Variants in UTP25 observed in about 807,000 individuals in gnomAD.
UTP25 encodes UTP25 small subunit processome component, also known as U3 small nucleolar RNA-associated protein 25 homolog.
UTP25 carries 50 observed loss-of-function variants against 78.9 expected under a neutral mutation model. That is an observed-to-expected ratio of 0.63 (90% CI 0.50 to 0.80). The LOEUF is 0.80. Ranked by LOEUF, UTP25 falls within the 30% of genes least tolerant of loss-of-function variation. The pLI, the probability that UTP25 is intolerant of heterozygous loss-of-function variation, is 0.00. For synonymous variants in UTP25, 329 were observed against 336.5 expected (o/e 0.98, Z 0.24); for missense variants, 846 against 911.3 (o/e 0.93, Z 0.92).
At chr1:209,850,509 T>A (rs2078224562) in intron 11 of UTP25, among the ~76,000 whole-genome samples, 1 of 152,236 alleles carries the variant, frequency 6.6e-6, no homozygotes, top group African/African-American at 2.4e-5. Context: ...AATCTTTTGT[T>A]ATGGAATCCC....
chr1:209,832,906 C>T (rs953524565), intron 3 of UTP25, among the ~76,000 whole-genome samples: 6 of 152,012 alleles, frequency 3.9e-5, no homozygotes, highest in African/African-American at 1.4e-4. Context: ...AATAAATAAA[C>T]GCTCATCCAA....
intron 10 of UTP25, 91 bp from the exon 11 acceptor site, chr1:209,843,360 C>T (rs559543443): frequency 1.9e-5 from 28 of 1,477,462 alleles, no homozygotes; most frequent in South Asian, 1.6e-4. Flanking sequence ...TCTTTTAACA[C>T]GAGATTGTAA....
At position 209,851,490 on chromosome 1, in the gene UTP25, G is replaced by A. The variant is rs1015706003; in HGVS notation, c.*43G>A. 1 of 1,553,190 alleles carries A rather than the reference G, an allele frequency of 6.4e-7. No homozygotes were observed. Among genetic ancestry groups the A allele is most frequent in the African/African-American group, 1.4e-5 (1 of 73,072 alleles). ...AGTGGTATTTGGCATGATACATAAT[G>A]TTTGATTCTATGCCATTTGGACCCA... On this transcript the variant is annotated 3_prime_UTR_variant, in exon 12 of 12. Transcript: ENST00000491415.
At chr1:209,828,559 A>C (rs10863791) in intron 1 of UTP25, among the ~76,000 whole-genome samples, 99,153 of 148,046 alleles carry the variant, frequency 0.67, 33,752 homozygotes, top group Non-Finnish European at 0.76. Context: ...CCCGCCACCA[A>C]GCCCGGCTGA....
chr1:209,838,193 T>C (rs1300859225), intron 6 of UTP25, among the ~76,000 whole-genome samples: 1 of 152,226 alleles, frequency 6.6e-6, no homozygotes, highest in East Asian at 1.9e-4. Context: ...ATGAAACATA[T>C]TATAATTTGG....
Position 209,852,372 on chromosome 1 carries a change from A to T in UTP25, c.*925A>T, listed in dbSNP as rs907642936. 4.6e-5 allele frequency: 7 copies of T among 152,216 alleles called. No individual in the cohort carries two copies. The allele number at this position is 152,216 out of a possible 1,614,324, so 9.4% of individuals were successfully genotyped here. A position where few individuals can be genotyped will look rare whatever the true frequency, so the allele number is the denominator to read the frequency against. ...TTAAGGGTATTGTTTGTGATTAGGA[A>T]TGCCCCACCAATAAGGATAATGTGA... On this transcript the variant is annotated 3_prime_UTR_variant, in exon 12 of 12. Coordinates refer to ENST00000491415, the MANE Select transcript of UTP25 (RefSeq NM_014388.7).
intron 11 of UTP25, chr1:209,844,778 T>C (rs932588567): frequency 2.0e-5 from 3 of 152,180 alleles, no homozygotes; most frequent in Non-Finnish European, 2.9e-5. Flanking sequence ...TGTTGATAAA[T>C]AGAAAAAGCT....
chr1:209,829,716 G>A (rs573588863), intron 1 of UTP25, among the ~76,000 whole-genome samples: 1 of 152,038 alleles, frequency 6.6e-6, no homozygotes, highest in African/African-American at 2.4e-5. Flanking sequence ...AAACTCCTGG[G>A]CTCAAGTGAT....
chr1:209,843,378 A>G, intron 10 of UTP25, 73 bp from the exon 11 acceptor site: 3 of 1,546,408 alleles, frequency 1.9e-6, no homozygotes, highest in Non-Finnish European at 2.6e-6. Flanking sequence ...TAATTTGCTC[A>G]GGGTCACACA....
At chr1:209,850,611 C>T (rs563722417) in intron 11 of UTP25, among the ~76,000 whole-genome samples, 2 of 152,338 alleles carry the variant, frequency 1.3e-5, no homozygotes, top group East Asian at 1.9e-4. Flanking sequence ...CGGCACTGTG[C>T]AGCTGGGAAA....
At chr1:209,846,612 G>A (rs968677805) in intron 11 of UTP25, among the ~76,000 whole-genome samples, 11 of 152,154 alleles carry the variant, frequency 7.2e-5, no homozygotes, top group East Asian at 1.9e-4. Context: ...ACAGTGGCTC[G>A]TGAAATAGAC....
chr1:209,835,998 A>T (rs2078130845), intron 5 of UTP25, among the ~76,000 whole-genome samples: 1 of 152,122 alleles, frequency 6.6e-6, no homozygotes, highest in Non-Finnish European at 1.5e-5. Flanking sequence ...CAAAATACAA[A>T]TCCTTGTTGC....
chr1:209,835,389 A>G (rs2078127607), intron 5 of UTP25, among the ~76,000 whole-genome samples: 1 of 152,236 alleles, frequency 6.6e-6, no homozygotes, highest in African/African-American at 2.4e-5. Context: ...AATGATGGGT[A>G]AGAGTGGATT....
chr1:209,830,170 T>G, intron 2 of UTP25, 23 bp downstream of exon 2: 2 of 1,604,754 alleles, frequency 1.2e-6, no homozygotes, highest in Non-Finnish European at 1.7e-6. Context: ...ACCTTCTTTT[T>G]AATAGTTGGT....
chr1:209,843,401 C>T, intron 10 of UTP25, 50 bp from the exon 11 acceptor site: 1 of 1,600,416 alleles, frequency 6.2e-7, no homozygotes, highest in South Asian at 1.1e-5. Flanking sequence ...TAAGAGACAC[C>T]ATAAGCTTAG....
rs1210848317 is a variant in UTP25 at position 209,843,634 on chromosome 1, C to A, written c.1965C>A (p.His655Gln). The A allele has an allele frequency of 6.2e-7, 1 of 1,614,074 alleles. No homozygotes were observed. Among genetic ancestry groups the A allele is most frequent in the Non-Finnish European group, 8.5e-7 (1 of 1,180,016 alleles). ...TQKSGVSRAR[H>Q]FFLQGEKQFL... ...AGTCTGGTGTCTCCAGGGCCAGACACTTCTTCCTTCAAGGAGAGAAACAGT... is the reference window on the plus strand; with the variant it reads ...AGTCTGGTGTCTCCAGGGCCAGACAATTCTTCCTTCAAGGAGAGAAACAGT... Residue 655 changes from histidine to glutamine, a missense_variant, in exon 11 of 12, where the codon CAC (histidine) becomes CAA (glutamine). Coordinates refer to ENST00000491415, the MANE Select transcript of UTP25 (RefSeq NM_014388.7).
At chr1:209,845,091 C>G (rs1191683152) in intron 11 of UTP25, among the ~76,000 whole-genome samples, 2 of 152,186 alleles carry the variant, frequency 1.3e-5, no homozygotes, top group African/African-American at 4.8e-5. Flanking sequence ...ATGGTGCTCC[C>G]CAGATAACGT....
intron 3 of UTP25, among the ~76,000 whole-genome samples, chr1:209,831,928 T>C (rs2078105895): frequency 1.3e-5 from 2 of 152,208 alleles, no homozygotes; most frequent in Admixed American, 1.3e-4. Context: ...TAGCATTCCA[T>C]TGTCTGAATA....
Position 209,842,598 on chromosome 1 carries a change from G to A in UTP25, c.1684G>A (p.Val562Ile), listed in dbSNP as rs2078173837. 3 of 1,613,790 alleles carry A rather than the reference G, an allele frequency of 1.9e-6. No individual in the cohort carries two copies. The highest frequency in any genetic ancestry group is 1.3e-5 in the African/African-American group (1 of 74,918). ...NMQGQVAVRN[V>I]PMTGSISHVL... is the part of the protein sequence containing the mutation. ...CTACTGGCAGGTGGCCGTGAGGAATGTCCCAATGACAGGCTCTATCAGTCA... is the reference window on the plus strand; with the variant it reads ...CTACTGGCAGGTGGCCGTGAGGAATATCCCAATGACAGGCTCTATCAGTCA... Residue 562 changes from valine (V) to isoleucine (I), a missense_variant, in exon 10 of 12, where the codon GTC (valine) becomes ATC (isoleucine). By Grantham distance (29) the Val-to-Ile change is conservative (BLOSUM62 3). Coordinates refer to ENST00000491415, the MANE Select transcript of UTP25 (RefSeq NM_014388.7).
Sources: gnomAD v4.1 joint callset for allele counts (sites outside exome capture counted in the v4.1 genomes callset) on GRCh38, gnomAD v4.1.1 for gene constraint, MANE v1.5 for transcripts, NCBI Gene and HGNC (gene_info 2026-07-23, HGNC 2026-07-21) for gene names.